The following TENT2 variants were observed in gnomAD, a reference collection of about 807,000 sequenced individuals.
TENT2 encodes the protein terminal nucleotidyltransferase 2, also known as poly(A) RNA polymerase GLD2.
A neutral mutation model predicts 72.2 loss-of-function variants in TENT2; 44 were observed. The ratio of observed to expected loss-of-function variants is 0.61; its 90% CI spans 0.48 to 0.78. The LOEUF (loss-of-function observed/expected upper bound fraction) is 0.78. Ranked by LOEUF, TENT2 falls within the 30% of genes least tolerant of loss-of-function variation. TENT2 has a pLI of 0.00. For synonymous variants in TENT2, 212 were observed against 192.5 expected, an observed-to-expected ratio of 1.10 and a Z score of -0.84; for missense variants, 541 against 569.6, an observed-to-expected ratio of 0.95 and a Z score of 0.51.
In TENT2 at chr5:79,645,131, A is replaced by T. The variant is rs374784952; in HGVS notation, c.760A>T (p.Ile254Phe). ...TATCTTTTGTCTTTCAGCGGGCTAC[A>T]TTGAGAGACCTCAGCTGATTCGAGC... Reference protein sequence around the residue: ...KHFCTRLSGYIERPQLIRAKV... With the variant: ...KHFCTRLSGYFERPQLIRAKV... Residue 254 changes from isoleucine (I) to phenylalanine (F), a missense_variant, in exon 8 of 15, where the codon ATT (isoleucine) becomes TTT (phenylalanine). Transcript: ENST00000453514. 6.2e-7 allele frequency: 1 copy of T among 1,604,092 alleles called. No individual in the cohort carries two copies. Among genetic ancestry groups the T allele is most frequent in the Non-Finnish European group, 8.5e-7 (1 of 1,175,754 alleles).
At chr5:79,679,460 G>T in intron 12 of TENT2, 119 bp from the exon 13 acceptor site, 1 of 499,270 alleles carries the variant, frequency 2.0e-6, no homozygotes, top group Non-Finnish European at 3.3e-6. Flanking sequence ...CTGAGGGTTG[G>T]GGCACAGGTT....
chr5:79,632,802 TGA>T (rs2150214651), intron 4 of TENT2, among the ~76,000 whole-genome samples: 1 of 152,278 alleles, frequency 6.6e-6, no homozygotes, highest in South Asian at 2.1e-4. Context: ...CAAAAACCAC[TGA>T]GATATAAATT....
intron 2 of TENT2, 88 bp from the exon 3 acceptor site, chr5:79,619,906 G>C: frequency 1.4e-6 from 2 of 1,448,036 alleles, no homozygotes; most frequent in Non-Finnish European, 1.9e-6. Flanking sequence ...TTTTTGATAC[G>C]GATGTATTTA....
chr5:79,642,879 C>T lies in TENT2; in HGVS notation c.720C>T (p.Thr240=), dbSNP rs755106579. 87 of 1,611,592 alleles carry T rather than the reference C, an allele frequency of 5.4e-5. 1 individual carries two copies. In the Admixed American group the frequency reaches 1.3e-3, roughly 25 times the overall value. ...AGACTGAAGCACGGCATATACTCACCTTAGTCCATAAACACTTCTGTACTA... is the reference window on the plus strand; with the variant it reads ...AGACTGAAGCACGGCATATACTCACTTTAGTCCATAAACACTTCTGTACTA... The part of the protein sequence containing the change: ...NQKTEARHIL[T]LVHKHFCTRL... The change falls in exon 7 of 15, where the codon ACC becomes ACT. Residue 240 remains threonine (T), a synonymous_variant. Coordinates refer to ENST00000453514, the MANE Select transcript of TENT2 (RefSeq NM_001114394.3).
At chr5:79,626,600 C>G (rs1322396063) in intron 4 of TENT2, among the ~76,000 whole-genome samples, 2 of 151,122 alleles carry the variant, frequency 1.3e-5, no homozygotes, top group African/African-American at 2.4e-5. Flanking sequence ...AACCCCCGCA[C>G]CCGGCCACCT....
At chr5:79,620,278 C>T (rs920014061) in intron 3 of TENT2, among the ~76,000 whole-genome samples, 195 bp downstream of exon 3, 2 of 152,008 alleles carry the variant, frequency 1.3e-5, no homozygotes, top group African/African-American at 4.8e-5. Flanking sequence ...TTGATTTGTT[C>T]CTGCTTTATT....
chr5:79,672,843 C>T (rs1814060339), intron 12 of TENT2, among the ~76,000 whole-genome samples: 1 of 152,158 alleles, frequency 6.6e-6, no homozygotes, highest in African/African-American at 2.4e-5. Flanking sequence ...ATTGCTGGAT[C>T]ATATGGTAGT....
At chr5:79,617,904 T>C (rs1761617029) in intron 1 of TENT2, among the ~76,000 whole-genome samples, 1 of 152,224 alleles carries the variant, frequency 6.6e-6, no homozygotes, top group Non-Finnish European at 1.5e-5. Context: ...AACTTCAATA[T>C]AATATACCTT....
At chr5:79,615,990 G>A (rs368206248) in intron 1 of TENT2, among the ~76,000 whole-genome samples, 1 of 152,004 alleles carries the variant, frequency 6.6e-6, no homozygotes, top group Non-Finnish European at 1.5e-5. Flanking sequence ...CCAGGTTCAA[G>A]CGATTCCCCT....
At chr5:79,670,903 G>C (rs997139220) in intron 12 of TENT2, among the ~76,000 whole-genome samples, 7 of 151,112 alleles carry the variant, frequency 4.6e-5, no homozygotes, top group African/African-American at 1.7e-4. Flanking sequence ...GGGAGAGTTG[G>C]GATTCACTTT....
At position 79,644,522 on chromosome 5, in the gene TENT2, A is replaced by G. The variant is rs919268703; in HGVS notation, c.752-601A>G. Reference sequence around the variant, plus strand: ...TAAAAATATGTATGTACATTTTATTATATGTTGTATATGATATATGTATGT... The same window carrying G: ...TAAAAATATGTATGTACATTTTATTGTATGTTGTATATGATATATGTATGT... On this transcript the variant is annotated intron_variant, in intron 7 of 14. Coordinates refer to ENST00000453514, the MANE Select transcript of TENT2 (RefSeq NM_001114394.3). 2.0e-5 allele frequency: 3 copies of G among 152,214 alleles called. No individual in the cohort carries two copies. In the South Asian group the frequency reaches 6.2e-4, roughly 32 times the overall value. The allele number at this position is 152,214 out of a possible 1,614,324, so 9.4% of individuals were successfully genotyped here.
At chr5:79,631,160 A>G (rs185772097) in intron 4 of TENT2, among the ~76,000 whole-genome samples, 10 of 152,286 alleles carry the variant, frequency 6.6e-5, no homozygotes, top group African/African-American at 4.8e-5. Context: ...CCTGCCACCA[A>G]TCCCCAGTTG....
At chr5:79,622,870 A>G (rs1393297601) in intron 3 of TENT2, among the ~76,000 whole-genome samples, 1 of 152,150 alleles carries the variant, frequency 6.6e-6, no homozygotes, top group Non-Finnish European at 1.5e-5. Context: ...GCCCTTTTTT[A>G]TAACTAGCAC....
intron 13 of TENT2, 45 bp from the exon 14 acceptor site, chr5:79,681,937 C>T: frequency 6.7e-7 from 1 of 1,500,044 alleles, no homozygotes; most frequent in Non-Finnish European, 9.2e-7. Flanking sequence ...AACTGTAGCT[C>T]TCATTTTAAT....
At chr5:79,656,330 T>C (rs935913980) in intron 10 of TENT2, among the ~76,000 whole-genome samples, 1 of 151,964 alleles carries the variant, frequency 6.6e-6, no homozygotes, top group Admixed American at 6.6e-5. Context: ...TGTATGAAAT[T>C]TTATTAATAG....
At chr5:79,650,974 GT>G (rs1338175092) in intron 10 of TENT2, among the ~76,000 whole-genome samples, 1 of 151,922 alleles carries the variant, frequency 6.6e-6, no homozygotes, top group Non-Finnish European at 1.5e-5. Context: ...GAATTATTAT[GT>G]TTAAAATAAT....
chr5:79,633,598 TAG>T (rs1777437443), intron 4 of TENT2, among the ~76,000 whole-genome samples: 2 of 151,714 alleles, frequency 1.3e-5, no homozygotes, highest in African/African-American at 4.8e-5. Flanking sequence ...GTGTTTTTAG[TAG>T]AGACGGGGTT....
At chr5:79,668,377 G>T (rs747829631) in intron 11 of TENT2, among the ~76,000 whole-genome samples, 15 of 151,994 alleles carry the variant, frequency 9.9e-5, no homozygotes, top group Admixed American at 6.5e-4. Context: ...AGAAACAAAA[G>T]AAAGCAAAAT....
chr5:79,627,600 C>G (rs1389100520), intron 4 of TENT2, among the ~76,000 whole-genome samples: 1 of 152,186 alleles, frequency 6.6e-6, no homozygotes. Flanking sequence ...GTTCTCCTGC[C>G]TCAGCCTCCC....
Sources: gnomAD v4.1 joint callset for allele counts (sites outside exome capture counted in the v4.1 genomes callset) on GRCh38, gnomAD v4.1.1 for gene constraint, MANE v1.5 for transcripts, NCBI Gene and HGNC (gene_info 2026-07-23, HGNC 2026-07-21) for gene names.